The following ZC3HAV1 variants were observed in gnomAD, a reference collection of about 807,000 sequenced individuals.
ZC3HAV1 encodes zinc finger CCCH-type antiviral protein 1.
In ZC3HAV1, 41 loss-of-function variants were observed where a neutral mutation model predicts 86.6. That is an observed-to-expected ratio of 0.47 (90% CI 0.37 to 0.61). The LOEUF (loss-of-function observed/expected upper bound fraction) is 0.61, where lower values mean the gene tolerates loss of function less well. Ranked by LOEUF, ZC3HAV1 falls within the 20% of genes least tolerant of loss-of-function variation. The probability of loss-of-function intolerance (pLI) is 0.00; values close to 1 mark genes in which losing one functional copy is unlikely to be tolerated. For missense variants in ZC3HAV1, 964 were observed against 1,141.1 expected (o/e 0.84, Z 2.24); for synonymous variants, 421 against 432.1 (o/e 0.97, Z 0.32).
chr7:139,099,934 A>AATAAATAAATAT (rs1817701742), intron 1 of ZC3HAV1, among the ~76,000 whole-genome samples: 1 of 151,914 alleles, frequency 6.6e-6, no homozygotes, highest in Admixed American at 6.6e-5. Flanking sequence ...TAAATAAATA[A>AATAAATAAATAT]ATAAATAAAC....
At position 139,079,491 on chromosome 7, in the gene ZC3HAV1, G is replaced by T; in HGVS notation, c.1450C>A (p.Pro484Thr). The change falls in exon 4 of 13, where the codon CCA becomes ACA. Residue 484 changes from proline to threonine, a missense_variant. By Grantham distance (38) the Pro-to-Thr change is conservative. Coordinates refer to ENST00000242351, the MANE Select transcript of ZC3HAV1 (RefSeq NM_020119.4). ...TTACCGTTAACAAGTGCTACTCTTG[G>T]GTCAGCATCATCTGCGATTCTGCCA... ...ATGRIADDAD[P>T]RVALVNDSLS... The T allele has an allele frequency of 6.2e-7, 1 of 1,614,084 alleles. No homozygotes were observed. The highest frequency in any genetic ancestry group is 1.1e-5 in the South Asian group (1 of 91,074).
chr7:139,100,935 C>A (rs1301796012), intron 1 of ZC3HAV1, among the ~76,000 whole-genome samples: 1 of 152,072 alleles, frequency 6.6e-6, no homozygotes, highest in Non-Finnish European at 1.5e-5. Flanking sequence ...CTCACTGCAA[C>A]CTCCCTGCCT....
At chr7:139,050,766 A>C (rs10273974) in intron 12 of ZC3HAV1, among the ~76,000 whole-genome samples, 72,968 of 152,030 alleles carry the variant, frequency 0.48, 17,717 homozygotes, top group South Asian at 0.55. Flanking sequence ...ATCATATGTC[A>C]CTTAAGATGG....
chr7:139,050,272 AT>A (rs1433476089), intron 12 of ZC3HAV1, among the ~76,000 whole-genome samples: 13 of 152,088 alleles, frequency 8.5e-5, no homozygotes, highest in Admixed American at 1.3e-4. Context: ...GTTTTTTTAT[AT>A]CACACTTATA....
chr7:139,052,143 TTTTAC>T (rs1344501005), intron 12 of ZC3HAV1, among the ~76,000 whole-genome samples: 1 of 151,972 alleles, frequency 6.6e-6, no homozygotes, highest in African/African-American at 2.4e-5. Context: ...TTTATTGTTA[TTTTAC>T]TTTAAGTTTT....
intron 1 of ZC3HAV1, among the ~76,000 whole-genome samples, chr7:139,095,013 G>A (rs762896805): frequency 1.1e-4 from 16 of 143,310 alleles, no homozygotes; most frequent in Middle Eastern, 3.7e-3. Context: ...TAATTATATC[G>A]AAGTACTCCT....
intron 7 of ZC3HAV1, among the ~76,000 whole-genome samples, chr7:139,065,389 G>A (rs1048172106): frequency 1.3e-5 from 2 of 152,164 alleles, no homozygotes; most frequent in East Asian, 1.9e-4. Flanking sequence ...ATAGAACATC[G>A]TGGGCTATTC....
chr7:139,056,390 T>TCCTTA (rs869259240), intron 9 of ZC3HAV1, among the ~76,000 whole-genome samples: 1 of 111,722 alleles, frequency 9.0e-6, no homozygotes, highest in Non-Finnish European at 1.8e-5. Context: ...TTTTTTTTTT[T>TCCTTA]TCCTTTTTCT....
At chr7:139,054,238 C>A in intron 10 of ZC3HAV1, 143 bp from the exon 11 acceptor site, 2 of 791,948 alleles carry the variant, frequency 2.5e-6, no homozygotes, top group Non-Finnish European at 1.8e-6. Flanking sequence ...TTAGGGTTCC[C>A]ACATCTGCCA....
At chr7:139,105,468 A>G (rs1337691347) in intron 1 of ZC3HAV1, among the ~76,000 whole-genome samples, 1 of 152,214 alleles carries the variant, frequency 6.6e-6, no homozygotes, top group African/African-American at 2.4e-5. Flanking sequence ...CAGAAGTGGG[A>G]TTAGAACTCC....
intron 1 of ZC3HAV1, among the ~76,000 whole-genome samples, chr7:139,091,372 G>C (rs2130721914): frequency 6.6e-6 from 1 of 152,248 alleles, no homozygotes; most frequent in South Asian, 2.1e-4. Context: ...GGAGGCTGAG[G>C]CAGGAGAATG....
At chr7:139,087,471 C>CAG (rs534376377) in intron 2 of ZC3HAV1, among the ~76,000 whole-genome samples, 4 of 141,822 alleles carry the variant, frequency 2.8e-5, no homozygotes, top group East Asian at 4.2e-4. Context: ...GAGAGGGAGA[C>CAG]AGAGAGAGAG....
Position 139,109,363 on chromosome 7 carries a change from G to A in ZC3HAV1, c.-32C>T, listed in dbSNP as rs1239776328. On this transcript the variant is annotated 5_prime_UTR_variant, in exon 1 of 13. Coordinates refer to ENST00000242351, the MANE Select transcript of ZC3HAV1 (RefSeq NM_020119.4). ...CTGGCTGTGCTGGCTCTGCCGCGGCGCGGGACTCGGTTCCGCGGAAATCGG... is the reference window on the plus strand; with the variant it reads ...CTGGCTGTGCTGGCTCTGCCGCGGCACGGGACTCGGTTCCGCGGAAATCGG... The A allele has an allele frequency of 1.3e-6, 2 of 1,529,536 alleles. No homozygotes were observed. Among genetic ancestry groups the A allele is most frequent in the Non-Finnish European group, 1.8e-6 (2 of 1,139,890 alleles). 94.7% of individuals were successfully genotyped at this position (1,529,536 alleles called of 1,614,324 possible). A position where few individuals can be genotyped will look rare whatever the true frequency, so the allele number is the denominator to read the frequency against.
intron 5 of ZC3HAV1, 93 bp from the exon 6 acceptor site, chr7:139,076,502 G>T: frequency 6.5e-7 from 1 of 1,533,402 alleles, no homozygotes; most frequent in Non-Finnish European, 8.8e-7. Context: ...ATCCATGCCT[G>T]CCCTGCCCCC....
chr7:139,089,847 AC>A, intron 1 of ZC3HAV1, 88 bp from the exon 2 acceptor site: 2 of 1,399,734 alleles, frequency 1.4e-6, no homozygotes, highest in Non-Finnish European at 1.9e-6. Flanking sequence ...GTCTGCAAAG[AC>A]CCGTGCCCAT....
At position 139,069,868 on chromosome 7, in the gene ZC3HAV1, G is replaced by A. The variant is rs148055768; in HGVS notation, c.1872+3988C>T. On this transcript the variant is annotated intron_variant, in intron 7 of 12. Transcript: ENST00000242351. ...TCAGTTACAAGAAATAAAAGCTGTG[G>A]GGCACTGGCAGAAGGCTTCACAGTC... is the stretch of plus-strand genomic sequence containing the variant. Among the ~76,000 whole-genome samples the A allele has an allele frequency of 5.1e-3, 780 of 152,172 alleles. 5 individuals are homozygous for A. The highest frequency in any genetic ancestry group is 7.1e-3 in the South Asian group (34 of 4,822).
chr7:139,096,817 G>A (rs1817602181), intron 1 of ZC3HAV1, among the ~76,000 whole-genome samples: 1 of 152,166 alleles, frequency 6.6e-6, no homozygotes. Context: ...CCCTGCAAAT[G>A]GATTCTTTAG....
chr7:139,091,793 T>C (rs959666540), intron 1 of ZC3HAV1, among the ~76,000 whole-genome samples: 2 of 152,048 alleles, frequency 1.3e-5, no homozygotes, highest in Admixed American at 6.5e-5. Flanking sequence ...CTTCTTGATA[T>C]TGAGCTGAAA....
In ZC3HAV1 at chr7:139,083,849, C is replaced by T. The variant is rs763589247; in HGVS notation, c.628G>A (p.Asp210Asn). Residue 210 changes from aspartate to asparagine, a missense_variant, in exon 3 of 13, where the codon GAC (aspartate) becomes AAC (asparagine). Asp to Asn is a conservative substitution (Grantham distance 23, BLOSUM62 1). Transcript: ENST00000242351. ...AIMREHGLNP[D>N]VVQNIQDICN... ...ATGTCCTGGATGTTCTGGACCACGTCGGGGTTCAGCCCGTGCTCCCTCATG... is the reference window on the plus strand; with the variant it reads ...ATGTCCTGGATGTTCTGGACCACGTTGGGGTTCAGCCCGTGCTCCCTCATG... The T allele has an allele frequency of 6.2e-6, 10 of 1,613,906 alleles. No homozygotes were observed. The East Asian group carries it at 1.1e-4, about 18-fold the overall frequency.
Sources: gnomAD v4.1 joint callset for allele counts (sites outside exome capture counted in the v4.1 genomes callset) on GRCh38, gnomAD v4.1.1 for gene constraint, MANE v1.5 for transcripts, NCBI Gene and HGNC (gene_info 2026-07-23, HGNC 2026-07-21) for gene names.